The following XKR4 variants were observed in gnomAD, a reference collection of about 807,000 sequenced individuals.
The protein encoded by XKR4 is XK-related protein 4.
A neutral mutation model predicts 53.9 loss-of-function variants in XKR4; 12 were observed. The observed-to-expected ratio is 0.22, with a 90% CI of 0.14 to 0.36. The LOEUF (loss-of-function observed/expected upper bound fraction) is 0.36, where lower values mean the gene tolerates loss of function less well. XKR4 is among the 10% of genes least tolerant of loss of function. The probability of loss-of-function intolerance (pLI) is 1.00; values close to 1 mark genes in which losing one functional copy is unlikely to be tolerated. For synonymous variants in XKR4, 354 were observed against 362.4 expected, an observed-to-expected ratio of 0.98 and a Z score of 0.26; for missense variants, 799 against 859.5, an observed-to-expected ratio of 0.93 and a Z score of 0.88.
intron 2 of XKR4, among the ~76,000 whole-genome samples, chr8:55,429,722 C>T (rs1252442593): frequency 6.7e-6 from 1 of 148,292 alleles, no homozygotes; most frequent in Non-Finnish European, 1.5e-5. Flanking sequence ...GACCAAGACC[C>T]TGTCTTTCTG....
At position 55,523,363 on chromosome 8, in the gene XKR4, C is replaced by A; in HGVS notation, c.1089C>A (p.Asp363Glu). 6.2e-7 allele frequency: 1 copy of A among 1,614,232 alleles called. No individual in the cohort carries two copies. Among genetic ancestry groups the A allele is most frequent in the Non-Finnish European group, 8.5e-7 (1 of 1,180,036 alleles). The change falls in exon 3 of 3, where the codon GAC becomes GAA. Residue 363 changes from aspartate (D) to glutamate (E), a missense_variant. Physicochemically the swap from Asp to Glu is conservative, Grantham distance 45. Around this residue, in one of 3 missense-constraint regions of XKR4, gnomAD observed 476 missense variants for 505.4 expected, o/e 0.94. Transcript: ENST00000327381. ...YQKALRDSRD[D>E]KKPISYMAVI... Reference sequence around the variant, plus strand: ...AGGCCCTCCGGGACTCTCGAGATGACAAGAAGCCCATCAGCTACATGGCCG... The same window carrying A: ...AGGCCCTCCGGGACTCTCGAGATGAAAAGAAGCCCATCAGCTACATGGCCG...
At chr8:55,258,601 C>T (rs527723470) in intron 1 of XKR4, among the ~76,000 whole-genome samples, 1 of 152,168 alleles carries the variant, frequency 6.6e-6, no homozygotes, top group Non-Finnish European at 1.5e-5. Flanking sequence ...CAGCAAAGCA[C>T]TTAGTCTGAT....
intron 2 of XKR4, 75 bp downstream of exon 2, chr8:55,357,952 T>A: frequency 6.9e-7 from 1 of 1,450,586 alleles, no homozygotes; most frequent in Non-Finnish European, 9.4e-7. Flanking sequence ...CGAGGAACTG[T>A]CCTAATGCCC....
At chr8:55,477,834 G>C (rs2129400815) in intron 2 of XKR4, among the ~76,000 whole-genome samples, 1 of 152,240 alleles carries the variant, frequency 6.6e-6, no homozygotes, top group East Asian at 1.9e-4. Context: ...ATGAAATGAA[G>C]TGAGAAGGGA....
intron 2 of XKR4, among the ~76,000 whole-genome samples, chr8:55,393,898 A>C (rs1433415279): frequency 2.0e-5 from 3 of 152,340 alleles, no homozygotes; most frequent in African/African-American, 7.2e-5. Flanking sequence ...GATTGTGCCC[A>C]TGAGCCTGTC....
Position 55,449,297 on chromosome 8 carries a change from C to T in XKR4, c.1007-73984C>T, listed in dbSNP as rs187122624. Among the ~76,000 whole-genome samples, 5 of 152,254 alleles carry T rather than the reference C, an allele frequency of 3.3e-5. No homozygotes were observed. The East Asian group carries it at 9.7e-4, about 29-fold the overall frequency. ...TGCGGGCTGTACTTTGGCCACCTCC[C>T]GGCACGGTGCTCAGCTGTGACGCCG... On this transcript the variant is annotated intron_variant, in intron 2 of 2. Transcript: ENST00000327381.
intron 2 of XKR4, among the ~76,000 whole-genome samples, chr8:55,465,306 A>T (rs1355328411): frequency 1.3e-5 from 2 of 152,154 alleles, no homozygotes; most frequent in Non-Finnish European, 2.9e-5. Context: ...CCAAAGGAAC[A>T]TAACAGAGTC....
intron 1 of XKR4, chr8:55,164,232 GC>G (rs1817030591): frequency 2.2e-6 from 1 of 456,494 alleles, no homozygotes. Flanking sequence ...AATTCTGTCG[GC>G]ATTGAGACCC....
At chr8:55,246,193 CT>C in intron 1 of XKR4, among the ~76,000 whole-genome samples, 1 of 152,148 alleles carries the variant, frequency 6.6e-6, no homozygotes, top group East Asian at 1.9e-4. Context: ...AACACCATAT[CT>C]TGTGTATACT....
chr8:55,457,389 G>A (rs1041147192), intron 2 of XKR4, among the ~76,000 whole-genome samples: 6 of 152,230 alleles, frequency 3.9e-5, no homozygotes, highest in East Asian at 1.9e-4. Context: ...TGATCTGCCC[G>A]CTTTGGCCTC....
intron 2 of XKR4, among the ~76,000 whole-genome samples, chr8:55,444,605 A>G (rs1459429179): frequency 6.6e-6 from 1 of 152,260 alleles, no homozygotes. Flanking sequence ...CCAGCATTTC[A>G]GCAATCATGG....
intron 1 of XKR4, among the ~76,000 whole-genome samples, chr8:55,128,213 C>T (rs1816500666): frequency 1.3e-5 from 2 of 152,032 alleles, no homozygotes; most frequent in Admixed American, 6.5e-5. Flanking sequence ...TAAAAGTGTT[C>T]CTATTTCTTG....
intron 1 of XKR4, among the ~76,000 whole-genome samples, chr8:55,267,669 A>G (rs182703016): frequency 4.7e-5 from 5 of 105,626 alleles, no homozygotes; most frequent in African/African-American, 1.3e-4. Flanking sequence ...TATTCCTATT[A>G]TCTTTTTTTT....
intron 1 of XKR4, among the ~76,000 whole-genome samples, chr8:55,225,795 G>A (rs922865515): frequency 2.6e-5 from 4 of 152,202 alleles, no homozygotes; most frequent in Admixed American, 1.3e-4. Context: ...AGAGACAGGC[G>A]CCAACCAGTG....
At chr8:55,231,414 A>G (rs1012371200) in intron 1 of XKR4, among the ~76,000 whole-genome samples, 8 of 152,182 alleles carry the variant, frequency 5.3e-5, no homozygotes, top group Non-Finnish European at 5.9e-5. Context: ...TCACTTAGCT[A>G]TGAAGGCACC....
At chr8:55,119,347 C>T (rs1286416395) in intron 1 of XKR4, among the ~76,000 whole-genome samples, 2 of 152,104 alleles carry the variant, frequency 1.3e-5, no homozygotes, top group Admixed American at 1.3e-4. Flanking sequence ...GGAAGTCCCT[C>T]CCAGAAGGGA....
chr8:55,492,159 T>C (rs1806282007), intron 2 of XKR4, among the ~76,000 whole-genome samples: 2 of 152,230 alleles, frequency 1.3e-5, no homozygotes, highest in African/African-American at 4.8e-5. Flanking sequence ...TTTCTTTCTA[T>C]TTAAGATACA....
At chr8:55,206,115 A>C (rs1353123420) in intron 1 of XKR4, among the ~76,000 whole-genome samples, 1 of 152,220 alleles carries the variant, frequency 6.6e-6, no homozygotes, top group Non-Finnish European at 1.5e-5. Flanking sequence ...CAGCTCATAA[A>C]GGCAGTGCGG....
At chr8:55,347,046 A>G (rs577902241) in intron 1 of XKR4, among the ~76,000 whole-genome samples, 1 of 152,368 alleles carries the variant, frequency 6.6e-6, no homozygotes, top group African/African-American at 2.4e-5. Context: ...GAACTGTCTG[A>G]AACATGACTC....
Sources: gnomAD v4.1 joint callset for allele counts (sites outside exome capture counted in the v4.1 genomes callset) on GRCh38, gnomAD v4.1.1 for gene constraint, gnomAD v4.1.1 regional missense constraint, MANE v1.5 for transcripts, NCBI Gene and HGNC (gene_info 2026-07-23, HGNC 2026-07-21) for gene names.